The following SPSB1 variants were observed in gnomAD, a reference collection of about 807,000 sequenced individuals.
SPSB1 encodes the protein SPRY domain-containing SOCS box protein 1.
SPSB1 carries 8 observed loss-of-function variants against 21.2 expected under a neutral mutation model. The ratio of observed to expected loss-of-function variants is 0.38; its 90% CI spans 0.22 to 0.68. The LOEUF (loss-of-function observed/expected upper bound fraction) is 0.68, where lower values mean the gene tolerates loss of function less well. Ranked by LOEUF, SPSB1 falls within the 30% of genes least tolerant of loss-of-function variation. The probability of loss-of-function intolerance (pLI) is 0.53; values close to 1 mark genes in which losing one functional copy is unlikely to be tolerated. For missense variants in SPSB1, 242 were observed against 377.8 expected, an observed-to-expected ratio of 0.64 and a Z score of 2.98; for synonymous variants, 169 against 161.7, an observed-to-expected ratio of 1.05 and a Z score of -0.34.
At chr1:9,311,893 G>T (rs1419775917) in intron 1 of SPSB1, among the ~76,000 whole-genome samples, 2 of 152,194 alleles carry the variant, frequency 1.3e-5, no homozygotes, top group Non-Finnish European at 2.9e-5. Flanking sequence ...AAATAGCTAT[G>T]CTCAGACAAA....
At chr1:9,309,248 T>C in intron 1 of SPSB1, among the ~76,000 whole-genome samples, 1 of 151,108 alleles carries the variant, frequency 6.6e-6, no homozygotes, top group Non-Finnish European at 1.5e-5. Flanking sequence ...TCAATTCCTG[T>C]GTGCTCCCCT....
At chr1:9,336,115 A>T (rs1051245571) in intron 1 of SPSB1, among the ~76,000 whole-genome samples, 2 of 152,162 alleles carry the variant, frequency 1.3e-5, no homozygotes, top group Non-Finnish European at 2.9e-5. Flanking sequence ...TCGTCTCTGT[A>T]GGTGGAAAGT....
At chr1:9,333,722 G>A (rs1294433377) in intron 1 of SPSB1, among the ~76,000 whole-genome samples, 2 of 152,184 alleles carry the variant, frequency 1.3e-5, no homozygotes, top group Non-Finnish European at 2.9e-5. Context: ...CCGGGGAAGA[G>A]CACAGTCATT....
At chr1:9,358,332 G>A (rs1040450048) in intron 2 of SPSB1, among the ~76,000 whole-genome samples, 5 of 152,166 alleles carry the variant, frequency 3.3e-5, no homozygotes, top group African/African-American at 7.2e-5. Context: ...CTTGGTCCTC[G>A]TCTGTGCAGC....
chr1:9,298,188 A>G (rs1192759087), intron 1 of SPSB1, among the ~76,000 whole-genome samples: 3 of 152,256 alleles, frequency 2.0e-5, no homozygotes, highest in African/African-American at 7.2e-5. Flanking sequence ...GAAACCCGTG[A>G]AATTCTTACT....
At chr1:9,334,865 T>C (rs1046007217) in intron 1 of SPSB1, among the ~76,000 whole-genome samples, 4 of 152,274 alleles carry the variant, frequency 2.6e-5, no homozygotes, top group African/African-American at 9.6e-5. Context: ...ATATAGCATG[T>C]ATCAAAATGT....
intron 1 of SPSB1, among the ~76,000 whole-genome samples, chr1:9,315,905 T>C (rs946798366): frequency 2.6e-5 from 4 of 152,242 alleles, no homozygotes; most frequent in Non-Finnish European, 5.9e-5. Flanking sequence ...GAGTTTTCTT[T>C]CCCAAGAAGA....
At position 9,336,597 on chromosome 1, in the gene SPSB1, G is replaced by A. The variant is rs528132427; in HGVS notation, c.-149-19146G>A. On this transcript the variant is annotated intron_variant, in intron 1 of 2. Transcript: ENST00000328089. Reference sequence around the variant, plus strand: ...GAGGAGTGGGGGATCCTCTGCCCGCGTGCGTTCAAGGAAGAGTCTGGGGCA... The same window carrying A: ...GAGGAGTGGGGGATCCTCTGCCCGCATGCGTTCAAGGAAGAGTCTGGGGCA... 7.9e-5 allele frequency among the ~76,000 whole-genome samples: 12 copies of A among 152,302 alleles called. No individual in the cohort carries two copies. The East Asian group carries it at 1.7e-3, about 22-fold the overall frequency.
intron 1 of SPSB1, among the ~76,000 whole-genome samples, chr1:9,312,694 A>G (rs767375486): frequency 3.3e-5 from 5 of 152,134 alleles, no homozygotes; most frequent in African/African-American, 4.8e-5. Flanking sequence ...ATGATTGTGC[A>G]TGGACTCATC....
intron 1 of SPSB1, among the ~76,000 whole-genome samples, chr1:9,342,693 G>GGGCACACATCCGAGATGCA (rs1179808918): frequency 6.6e-6 from 1 of 152,190 alleles, no homozygotes; most frequent in African/African-American, 2.4e-5. Flanking sequence ...CAGGGGTCTG[G>GGGCACACATCCGAGATGCA]GGCACACATC....
intron 1 of SPSB1, among the ~76,000 whole-genome samples, chr1:9,335,117 G>C (rs530217505): frequency 6.6e-6 from 1 of 152,112 alleles, no homozygotes; most frequent in Admixed American, 6.5e-5. Context: ...AGGAATTGCC[G>C]TATTGTTTTC....
At chr1:9,341,108 C>T (rs954530657) in intron 1 of SPSB1, among the ~76,000 whole-genome samples, 1 of 152,202 alleles carries the variant, frequency 6.6e-6, no homozygotes, top group Non-Finnish European at 1.5e-5. Context: ...CCCCTTTCTT[C>T]CCCTTGTGTT....
intron 1 of SPSB1, among the ~76,000 whole-genome samples, chr1:9,354,230 G>A (rs116610624): frequency 0.012 from 1,754 of 152,204 alleles, 38 homozygotes; most frequent in African/African-American, 0.04. Flanking sequence ...CCCCTACCCC[G>A]GGTTCCTTTG....
chr1:9,316,543 C>T (rs1396677681), intron 1 of SPSB1, among the ~76,000 whole-genome samples: 2 of 152,102 alleles, frequency 1.3e-5, no homozygotes, highest in African/African-American at 4.8e-5. Context: ...CCTTGAGGTG[C>T]TGGATGGCGA....
chr1:9,339,953 G>A (rs866473776), intron 1 of SPSB1, among the ~76,000 whole-genome samples: 1 of 152,204 alleles, frequency 6.6e-6, no homozygotes, highest in African/African-American at 2.4e-5. Context: ...TCCTTCTGAT[G>A]TGTGTTTCCT....
intron 1 of SPSB1, among the ~76,000 whole-genome samples, chr1:9,309,916 C>G (rs1251022937): frequency 6.6e-6 from 1 of 152,064 alleles, no homozygotes; most frequent in African/African-American, 2.4e-5. Context: ...TTGGGAGACC[C>G]AATTCAACTT....
At chr1:9,297,770 C>T (rs1639249578) in intron 1 of SPSB1, among the ~76,000 whole-genome samples, 2 of 152,058 alleles carry the variant, frequency 1.3e-5, no homozygotes, top group African/African-American at 4.8e-5. Flanking sequence ...GATTCATAGG[C>T]TTAGGTTTCA....
chr1:9,356,444 G>T lies in SPSB1; in HGVS notation c.553G>T (p.Asp185Tyr). ...DSFLVALDMD[D>Y]GTLSFIVDGQ... is the part of the protein sequence containing the mutation. ...CTTCCTGGTAGCCCTGGACATGGAC[G>T]ACGGGACTCTGAGCTTCATTGTGGA... The change falls in exon 2 of 3, where the codon GAC becomes TAC. Residue 185 changes from aspartate (D) to tyrosine (Y), a missense_variant. Transcript: ENST00000328089. This position sits in a 1 kb window ranked among gnomAD's most constrained non-coding sequence, Gnocchi z 7.4. 1 of 1,614,100 alleles carries T rather than the reference G, an allele frequency of 6.2e-7. No homozygotes were observed. The highest frequency in any genetic ancestry group is 8.5e-7 in the Non-Finnish European group (1 of 1,180,044).
chr1:9,307,070 G>GGC (rs1417782331), intron 1 of SPSB1, among the ~76,000 whole-genome samples: 4 of 152,002 alleles, frequency 2.6e-5, no homozygotes, highest in Non-Finnish European at 5.9e-5. Flanking sequence ...TGGGATTACA[G>GGC]GCACGTGCCA....
Sources: allele counts gnomAD v4.1 joint callset (sites outside exome capture counted in the v4.1 genomes callset), GRCh38; gene constraint gnomAD v4.1.1; non-coding constraint Gnocchi (gnomAD v3.1); transcripts MANE v1.5; gene names NCBI Gene and HGNC (gene_info 2026-07-23, HGNC 2026-07-21).